SLC26A7: variants seen among roughly 807,000 people sequenced by gnomAD.
SLC26A7 encodes the protein solute carrier family 26 member 7, also known as anion exchange transporter.
A neutral mutation model predicts 82.5 loss-of-function variants in SLC26A7; 59 were observed. The ratio of observed to expected loss-of-function variants is 0.72; its 90% confidence interval spans 0.58 to 0.89. SLC26A7 has a LOEUF of 0.89. SLC26A7 is among the 40% of genes least tolerant of loss of function. SLC26A7 has a pLI of 0.00. For missense variants in SLC26A7, 820 were observed against 793.0 expected (o/e 1.03, Z -0.41); for synonymous variants, 271 against 274.3 (o/e 0.99, Z 0.12).
intron 15 of SLC26A7, among the ~76,000 whole-genome samples, chr8:91,383,123 G>C (rs965346489): frequency 6.6e-6 from 1 of 152,092 alleles, no homozygotes; most frequent in Non-Finnish European, 1.5e-5. Flanking sequence ...CTAGAGAAGA[G>C]GAGTGAAGTT....
At chr8:91,290,656 G>T (rs1048475969) in intron 3 of SLC26A7, among the ~76,000 whole-genome samples, 1 of 152,162 alleles carries the variant, frequency 6.6e-6, no homozygotes, top group African/African-American at 2.4e-5. Context: ...AAGATCAGCT[G>T]CTTGGCAACT....
intron 5 of SLC26A7, among the ~76,000 whole-genome samples, chr8:91,333,885 T>A (rs918391996): frequency 2.0e-5 from 3 of 152,182 alleles, no homozygotes; most frequent in African/African-American, 7.2e-5. Flanking sequence ...TTTGTGTGTG[T>A]TCTATCTGTG....
At chr8:91,296,468 C>T (rs1349811837) in intron 4 of SLC26A7, among the ~76,000 whole-genome samples, 1 of 151,886 alleles carries the variant, frequency 6.6e-6, no homozygotes, top group Non-Finnish European at 1.5e-5. Context: ...TATTTTACAC[C>T]GTAACATTAT....
intron 2 of SLC26A7, among the ~76,000 whole-genome samples, chr8:91,283,773 C>A (rs144397363): frequency 6.6e-6 from 1 of 152,272 alleles, no homozygotes; most frequent in East Asian, 1.9e-4. Flanking sequence ...AATACTTAAG[C>A]TTTTGTCATT....
At chr8:91,350,592 T>C (rs1396083186) in intron 9 of SLC26A7, among the ~76,000 whole-genome samples, 1 of 152,114 alleles carries the variant, frequency 6.6e-6, no homozygotes, top group Non-Finnish European at 1.5e-5. Flanking sequence ...AAGTCATATA[T>C]ATGAAATCTT....
At chr8:91,352,159 A>C (rs1813734603) in intron 10 of SLC26A7, among the ~76,000 whole-genome samples, 1 of 152,114 alleles carries the variant, frequency 6.6e-6, no homozygotes, top group Non-Finnish European at 1.5e-5. Flanking sequence ...GGAGAGTGGA[A>C]CTAGGCATAT....
chr8:91,302,742 C>T (rs989365862), intron 4 of SLC26A7, among the ~76,000 whole-genome samples: 3 of 151,476 alleles, frequency 2.0e-5, no homozygotes, highest in African/African-American at 7.3e-5. Context: ...ACACACTGAT[C>T]TGCTTTTTGT....
intron 11 of SLC26A7, among the ~76,000 whole-genome samples, chr8:91,353,366 A>G (rs1311677255): frequency 6.6e-6 from 1 of 152,186 alleles, no homozygotes; most frequent in African/African-American, 2.4e-5. Context: ...AAAAACTATC[A>G]TGAATCACTA....
chr8:91,380,923 G>T (rs1221173506), intron 15 of SLC26A7, among the ~76,000 whole-genome samples: 1 of 152,062 alleles, frequency 6.6e-6, no homozygotes, highest in Non-Finnish European at 1.5e-5. Flanking sequence ...TATAAATTGT[G>T]ACATATTTAT....
intron 1 of SLC26A7, among the ~76,000 whole-genome samples, chr8:91,216,076 C>T (rs1346191128): frequency 6.6e-6 from 1 of 151,960 alleles, no homozygotes; most frequent in Middle Eastern, 3.2e-3. Flanking sequence ...CAATTCATAG[C>T]CCTGAAAAAT....
chr8:91,394,151 G>T, intron 18 of SLC26A7, 112 bp downstream of exon 18: 1 of 1,595,466 alleles, frequency 6.3e-7, no homozygotes, highest in South Asian at 1.1e-5. Context: ...AAATCTGTTA[G>T]CCCCCCACCC....
upstream of SLC26A7, among the ~76,000 whole-genome samples, chr8:91,247,363 T>C (rs899442225): frequency 6.6e-6 from 1 of 152,228 alleles, no homozygotes; most frequent in African/African-American, 2.4e-5. Context: ...TCTTGAATTT[T>C]GCAGGCTGTT....
At chr8:91,227,545 G>T (rs538436234) in intron 2 of SLC26A7, among the ~76,000 whole-genome samples, 1 of 152,212 alleles carries the variant, frequency 6.6e-6, no homozygotes, top group Admixed American at 6.5e-5. Flanking sequence ...AATCCAAATT[G>T]ATTTTCTCCA....
rs372597184 is a variant in SLC26A7, at chr8:91,253,963, A to G, written c.193+4119A>G. Among the ~76,000 whole-genome samples, 12 of 152,104 alleles carry G rather than the reference A, an allele frequency of 7.9e-5. No individual in the cohort carries two copies. In the East Asian group the frequency reaches 1.2e-3, roughly 15 times the overall value. ...CTAGAGAGGAAACTGAATTTAAACT[A>G]ATTCTTATGTTTTATTATATAAATA... On this transcript the variant is annotated intron_variant, in intron 2 of 18. Transcript: ENST00000276609.
chr8:91,313,572 T>C (rs1195479867), intron 4 of SLC26A7, among the ~76,000 whole-genome samples: 1 of 152,146 alleles, frequency 6.6e-6, no homozygotes, highest in Non-Finnish European at 1.5e-5. Flanking sequence ...CAGGGCTCTT[T>C]AACATTTCAG....
At chr8:91,281,729 C>A (rs1044542432) in intron 2 of SLC26A7, among the ~76,000 whole-genome samples, 1 of 152,124 alleles carries the variant, frequency 6.6e-6, no homozygotes, top group African/African-American at 2.4e-5. Flanking sequence ...CTTGGAGAAT[C>A]ATCTCCCTCC....
intron 7 of SLC26A7, 81 bp from the exon 8 acceptor site, chr8:91,340,323 T>A: frequency 6.5e-7 from 1 of 1,528,606 alleles, no homozygotes; most frequent in Middle Eastern, 1.8e-4. Context: ...TTCAGAGTCA[T>A]TGCCACAGTT....
intron 2 of SLC26A7, among the ~76,000 whole-genome samples, chr8:91,232,080 A>AATT (rs1714306465): frequency 6.6e-6 from 1 of 152,230 alleles, no homozygotes; most frequent in South Asian, 2.1e-4. Context: ...CAGAATGACT[A>AATT]ATTAAGAAAA....
intron 9 of SLC26A7, among the ~76,000 whole-genome samples, chr8:91,350,425 G>A (rs940891412): frequency 7.0e-6 from 1 of 142,318 alleles, no homozygotes; most frequent in African/African-American, 2.6e-5. Flanking sequence ...TAAGGTATAC[G>A]GTTCACTTTT....
Sources: gnomAD v4.1 joint callset for allele counts (sites outside exome capture counted in the v4.1 genomes callset) on GRCh38, gnomAD v4.1.1 for gene constraint, MANE v1.5 for transcripts, NCBI Gene and HGNC (gene_info 2026-07-23, HGNC 2026-07-21) for gene names.